Variants in NALF1 observed in about 807,000 individuals in gnomAD.
NALF1 encodes the protein NALCN channel auxiliary factor 1, also known as family with sequence similarity 155 member A.
A neutral mutation model predicts 48.4 loss-of-function variants in NALF1; 3 were observed. The ratio of observed to expected loss-of-function variants is 0.06; its 90% CI spans 0.03 to 0.16. The LOEUF is 0.16. NALF1 is among the 10% of genes least tolerant of loss of function. NALF1 has a pLI of 1.00. For synonymous variants in NALF1, 262 were observed against 245.7 expected (o/e 1.07, Z -0.62); for missense variants, 526 against 571.5 (o/e 0.92, Z 0.81).
chr13:107,756,289 A>C (rs1187190257), intron 1 of NALF1, among the ~76,000 whole-genome samples: 1 of 152,122 alleles, frequency 6.6e-6, no homozygotes, highest in Non-Finnish European at 1.5e-5. Context: ...AGTAGTTCAG[A>C]GTGACACCTG....
rs544157235 is a variant in NALF1 at position 107,306,238 on chromosome 13, G to C, written c.916-95483C>G. 2.5e-3 allele frequency among the ~76,000 whole-genome samples: 380 copies of C among 152,224 alleles called. 1 individual carries two copies. Among genetic ancestry groups the C allele is most frequent in the African/African-American group, 8.5e-3 (355 of 41,540 alleles). ...CAGACAAAAACGACAAAAACAACAT[G>C]ATATGACTTCTCACATTGACATGAT... On this transcript the variant is annotated intron_variant, in intron 1 of 2. Transcript: ENST00000375915.
intron 1 of NALF1, among the ~76,000 whole-genome samples, chr13:107,862,119 G>C (rs1344571641): frequency 1.3e-5 from 2 of 152,102 alleles, no homozygotes; most frequent in Admixed American, 6.6e-5. Context: ...GGTTTATTTT[G>C]CAATCTAATC....
intron 1 of NALF1, among the ~76,000 whole-genome samples, chr13:107,463,716 A>G (rs1884955390): frequency 6.6e-6 from 1 of 152,236 alleles, no homozygotes; most frequent in African/African-American, 2.4e-5. Flanking sequence ...GAGAGCAGAC[A>G]ACATCCACAG....
chr13:107,245,477 C>T (rs1329113262), intron 1 of NALF1, among the ~76,000 whole-genome samples: 1 of 152,186 alleles, frequency 6.6e-6, no homozygotes, highest in Non-Finnish European at 1.5e-5. Flanking sequence ...AGTAATAACT[C>T]TGATTTCCAA....
intron 1 of NALF1, among the ~76,000 whole-genome samples, chr13:107,347,495 C>G (rs1011202147): frequency 6.6e-5 from 10 of 152,222 alleles, no homozygotes; most frequent in Non-Finnish European, 1.3e-4. Context: ...GTAATTATCA[C>G]AAGCCTCAGA....
intron 1 of NALF1, among the ~76,000 whole-genome samples, chr13:107,275,798 T>C (rs1336835294): frequency 1.3e-5 from 2 of 152,226 alleles, no homozygotes; most frequent in Non-Finnish European, 2.9e-5. Flanking sequence ...TCCTGTATTT[T>C]TGTTCACTAA....
intron 2 of NALF1, among the ~76,000 whole-genome samples, chr13:107,178,354 C>T (rs1878983815): frequency 6.6e-6 from 1 of 152,154 alleles, no homozygotes; most frequent in Non-Finnish European, 1.5e-5. Context: ...AACAATTCCA[C>T]AGGAAAACAT....
intron 1 of NALF1, among the ~76,000 whole-genome samples, chr13:107,732,504 A>C (rs1876337689): frequency 6.6e-6 from 1 of 152,150 alleles, no homozygotes. Context: ...TAGACGTGGC[A>C]GTACCTATGT....
intron 1 of NALF1, among the ~76,000 whole-genome samples, chr13:107,818,752 G>A (rs1399236691): frequency 1.4e-5 from 2 of 143,642 alleles, no homozygotes; most frequent in African/African-American, 2.8e-5. Flanking sequence ...GGCGCCTGTA[G>A]TCCCAGCTAC....
At position 107,166,127 on chromosome 13, in the gene NALF1, A is replaced by G. The variant is rs1878654464; in HGVS notation, c.*4370T>C. The G allele has an allele frequency of 6.6e-6, 1 of 152,066 alleles. No individual in the cohort carries two copies. Among genetic ancestry groups the G allele is most frequent in the African/African-American group, 2.4e-5 (1 of 41,388 alleles). The allele number at this position is 152,066 out of a possible 1,614,324, so 9.4% of individuals were successfully genotyped here. ...ATATATGCATATGCACACTTATGAA[A>G]TTAAATACCTGGCTGGGTGTGGTAT... On this transcript the variant is annotated 3_prime_UTR_variant, in exon 3 of 3. Coordinates refer to ENST00000375915, the MANE Select transcript of NALF1 (RefSeq NM_001080396.3).
intron 1 of NALF1, among the ~76,000 whole-genome samples, chr13:107,279,741 A>G (rs1220912764): frequency 6.6e-6 from 1 of 152,016 alleles, no homozygotes; most frequent in Non-Finnish European, 1.5e-5. Flanking sequence ...CTTTTTTGCA[A>G]CATGCAGTTT....
chr13:107,647,373 C>A (rs1880340409), intron 1 of NALF1, among the ~76,000 whole-genome samples: 1 of 151,410 alleles, frequency 6.6e-6, no homozygotes, highest in African/African-American at 2.4e-5. Flanking sequence ...TAAAAATATT[C>A]TACTAAATCA....
At chr13:107,483,000 G>A (rs889900240) in intron 1 of NALF1, among the ~76,000 whole-genome samples, 5 of 152,066 alleles carry the variant, frequency 3.3e-5, no homozygotes, top group African/African-American at 1.2e-4. Context: ...CCAGAATGAC[G>A]CAGCCCTGGT....
chr13:107,369,045 A>G (rs149582595), intron 1 of NALF1, among the ~76,000 whole-genome samples: 387 of 152,260 alleles, frequency 2.5e-3, no homozygotes, highest in African/African-American at 8.7e-3. Flanking sequence ...GCTTCTGCTC[A>G]TTGTGTGTCA....
At chr13:107,602,463 C>T (rs1290740450) in intron 1 of NALF1, among the ~76,000 whole-genome samples, 1 of 152,142 alleles carries the variant, frequency 6.6e-6, no homozygotes, top group African/African-American at 2.4e-5. Flanking sequence ...ATAGTTTTCC[C>T]ATCTTTTAAA....
chr13:107,178,801 C>T (rs946689809), intron 2 of NALF1, among the ~76,000 whole-genome samples: 4 of 151,892 alleles, frequency 2.6e-5, no homozygotes, highest in Admixed American at 6.6e-5. Context: ...AAAAATTAGC[C>T]GGGCGTGGTG....
Position 107,240,809 on chromosome 13 carries a change from CT to C in NALF1, c.916-30055del, listed in dbSNP as rs1012908242. Among the ~76,000 whole-genome samples, 146 of 146,932 alleles carry C rather than the reference CT, an allele frequency of 9.9e-4. 1 individual carries two copies. The highest frequency in any genetic ancestry group is 2.8e-3 in the African/African-American group (111 of 40,060). On this transcript the variant is annotated intron_variant, in intron 1 of 2. Transcript: ENST00000375915. ...AACTGTCAAACTAAAGATATTTCACCTTTTTTTTTTAAGACTGAATTCAAGT... is the reference window on the plus strand; with the variant it reads ...AACTGTCAAACTAAAGATATTTCACCTTTTTTTTTAAGACTGAATTCAAGT...
intron 1 of NALF1, among the ~76,000 whole-genome samples, chr13:107,665,307 G>A (rs1227948937): frequency 6.6e-6 from 1 of 152,120 alleles, no homozygotes; most frequent in Non-Finnish European, 1.5e-5. Flanking sequence ...CATTGTGTTT[G>A]TTTCAGGAGT....
chr13:107,330,625 CAG>C (rs1436675769), intron 1 of NALF1, among the ~76,000 whole-genome samples: 2 of 152,208 alleles, frequency 1.3e-5, no homozygotes. Context: ...GTCTTTTTCA[CAG>C]ACTCTAGTCC....
Sources: gnomAD v4.1 joint callset for allele counts (sites outside exome capture counted in the v4.1 genomes callset) on GRCh38, gnomAD v4.1.1 for gene constraint, MANE v1.5 for transcripts, NCBI Gene and HGNC (gene_info 2026-07-23, HGNC 2026-07-21) for gene names.